Variants in KIAA0513 observed in about 807,000 individuals in gnomAD.
KIAA0513 encodes the protein uncharacterized protein KIAA0513.
KIAA0513 carries 39 observed loss-of-function variants against 56.5 expected under a neutral mutation model. That is an observed-to-expected ratio of 0.69 (90% CI 0.53 to 0.90). The LOEUF is 0.90. Ranked by LOEUF, KIAA0513 falls within the 40% of genes least tolerant of loss-of-function variation. The probability of loss-of-function intolerance (pLI) is 0.00; values close to 1 mark genes in which losing one functional copy is unlikely to be tolerated. For missense variants in KIAA0513, 591 were observed against 535.2 expected, an observed-to-expected ratio of 1.10 and a Z score of -1.03; for synonymous variants, 268 against 215.6, an observed-to-expected ratio of 1.24 and a Z score of -2.13.
At chr16:85,045,113 G>A (rs1000843502) in intron 1 of KIAA0513, among the ~76,000 whole-genome samples, 10 of 151,428 alleles carry the variant, frequency 6.6e-5, no homozygotes, top group East Asian at 2.0e-4. Flanking sequence ...GCGAGACTCC[G>A]TCTCTAAATA....
chr16:85,064,747 A>C (rs1473280828), intron 1 of KIAA0513, among the ~76,000 whole-genome samples: 1 of 151,996 alleles, frequency 6.6e-6, no homozygotes, highest in Non-Finnish European at 1.5e-5. Flanking sequence ...GTGCAATGGC[A>C]CCATCTCGGG....
At chr16:85,075,753 C>A in intron 4 of KIAA0513, 91 bp from the exon 5 acceptor site, 2 of 1,049,060 alleles carry the variant, frequency 1.9e-6, no homozygotes, top group Non-Finnish European at 3.0e-6. Flanking sequence ...AATTGGGACG[C>A]ATGTGTCAAG....
chr16:85,059,717 A>G (rs576177338), intron 1 of KIAA0513, among the ~76,000 whole-genome samples: 1 of 152,314 alleles, frequency 6.6e-6, no homozygotes, highest in Non-Finnish European at 1.5e-5. Flanking sequence ...TAATAGGGTC[A>G]TTGATTTCTC....
chr16:85,069,540 A>G (rs2073541591), intron 2 of KIAA0513, among the ~76,000 whole-genome samples: 1 of 151,930 alleles, frequency 6.6e-6, no homozygotes. Flanking sequence ...CATCAGCCTG[A>G]TGTTTCCCTA....
At chr16:85,057,421 C>T (rs1302278428) in intron 1 of KIAA0513, among the ~76,000 whole-genome samples, 1 of 152,232 alleles carries the variant, frequency 6.6e-6, no homozygotes, top group Non-Finnish European at 1.5e-5. Context: ...ATTGGGCCCC[C>T]AGTGGCTGGA....
At chr16:85,053,849 G>C (rs1352362786) in intron 1 of KIAA0513, among the ~76,000 whole-genome samples, 1 of 152,106 alleles carries the variant, frequency 6.6e-6, no homozygotes, top group Non-Finnish European at 1.5e-5. Flanking sequence ...AAAATTAGCT[G>C]GGCATGGTGG....
Position 85,091,517 on chromosome 16 carries a change from G to A in KIAA0513, c.*3192G>A, listed in dbSNP as rs534447531. 1 of 152,302 alleles carries A rather than the reference G, an allele frequency of 6.6e-6. No individual in the cohort carries two copies. The highest frequency in any genetic ancestry group is 1.9e-4 in the East Asian group (1 of 5,188). The allele number at this position is 152,302 out of a possible 1,614,324, so 9.4% of individuals were successfully genotyped here. On this transcript the variant is annotated 3_prime_UTR_variant, in exon 13 of 13. Transcript: ENST00000683363. The stretch of plus-strand genomic sequence containing the variant: ...TGGCTAGAGGGAGAGTCCAGTTTCT[G>A]AGCTCTGTACCCAAATTAAAATCCT...
At position 85,083,454 on chromosome 16, in the gene KIAA0513, A is replaced by C. The variant is rs146380801; in HGVS notation, c.1010+861A>C. Among the ~76,000 whole-genome samples, 498 of 152,190 alleles carry C rather than the reference A, an allele frequency of 3.3e-3. 7 individuals are homozygous for C. The highest frequency in any genetic ancestry group is 0.011 in the African/African-American group (466 of 41,558). On this transcript the variant is annotated intron_variant, in intron 10 of 12. Transcript: ENST00000683363. ...GCTTTCAAAGGAGGACTTAGGCCTA[A>C]CAAACACCTCCTTTCATGAACAAAG...
chr16:85,060,678 A>G (rs574717207), intron 1 of KIAA0513, among the ~76,000 whole-genome samples: 12 of 151,924 alleles, frequency 7.9e-5, no homozygotes, highest in South Asian at 4.2e-4. Flanking sequence ...ACCTTTATAA[A>G]TAATAATAAT....
chr16:85,067,833 CAG>C (rs1446162425), intron 2 of KIAA0513, among the ~76,000 whole-genome samples: 2 of 151,528 alleles, frequency 1.3e-5, no homozygotes, highest in African/African-American at 2.4e-5. Flanking sequence ...TTTTTTGAGA[CAG>C]AGTCTGGGTC....
intron 2 of KIAA0513, among the ~76,000 whole-genome samples, chr16:85,070,280 G>A (rs1015099666): frequency 2.9e-4 from 44 of 152,028 alleles, no homozygotes; most frequent in African/African-American, 1.0e-3. Flanking sequence ...GCTGACTTCC[G>A]CCTTATTCAT....
intron 1 of KIAA0513, among the ~76,000 whole-genome samples, chr16:85,045,978 C>T (rs1477335112): frequency 1.3e-5 from 2 of 152,156 alleles, no homozygotes; most frequent in African/African-American, 4.8e-5. Context: ...AAAGGGACGA[C>T]CACCCGAGGA....
At chr16:85,050,812 C>A (rs571143127) in intron 1 of KIAA0513, among the ~76,000 whole-genome samples, 5 of 152,174 alleles carry the variant, frequency 3.3e-5, no homozygotes, top group Non-Finnish European at 7.3e-5. Context: ...GCACTGCCTG[C>A]CGTGTGCCCA....
chr16:85,079,058 A>G, intron 8 of KIAA0513, 55 bp downstream of exon 8: 1 of 1,613,324 alleles, frequency 6.2e-7, no homozygotes, highest in East Asian at 2.2e-5. Context: ...GCCAGCAGTC[A>G]CTCCCCGGGA....
At chr16:85,083,406 C>T (rs541479443) in intron 10 of KIAA0513, among the ~76,000 whole-genome samples, 5 of 152,310 alleles carry the variant, frequency 3.3e-5, no homozygotes, top group South Asian at 4.1e-4. Context: ...CATGAGCAAT[C>T]GTGTTTCTTA....
intron 1 of KIAA0513, among the ~76,000 whole-genome samples, chr16:85,065,832 C>A (rs925539093): frequency 6.6e-6 from 1 of 152,176 alleles, no homozygotes; most frequent in South Asian, 2.1e-4. Flanking sequence ...ACCTTCTAAA[C>A]CAGCAGTCAG....
In KIAA0513 at chr16:85,034,245, T is replaced by C. The variant is rs189735751; in HGVS notation, c.-173+6387T>C. 6.6e-5 allele frequency among the ~76,000 whole-genome samples: 10 copies of C among 152,064 alleles called. No individual in the cohort carries two copies. The East Asian group carries it at 1.9e-3, about 29-fold the overall frequency. Reference sequence around the variant, plus strand: ...AAATACAAAAATTAGCCAGGCATGGTTGTGGGTGCCTCTAAGCCCAACTAC... The same window carrying C: ...AAATACAAAAATTAGCCAGGCATGGCTGTGGGTGCCTCTAAGCCCAACTAC... On this transcript the variant is annotated intron_variant, in intron 1 of 12. Coordinates refer to ENST00000683363, the MANE Select transcript of KIAA0513 (RefSeq NM_001388359.1).
intron 1 of KIAA0513, among the ~76,000 whole-genome samples, chr16:85,031,862 A>G (rs2072969341): frequency 6.6e-6 from 1 of 152,200 alleles, no homozygotes; most frequent in Non-Finnish European, 1.5e-5. Context: ...TAACAATATC[A>G]GAAATGACCT....
intron 10 of KIAA0513, among the ~76,000 whole-genome samples, chr16:85,085,533 G>A (rs2073798377): frequency 6.6e-6 from 1 of 152,190 alleles, no homozygotes; most frequent in Admixed American, 6.5e-5. Context: ...CTTTTTAGGG[G>A]GAAAGGGGCT....
Sources: gnomAD v4.1 joint callset for allele counts (sites outside exome capture counted in the v4.1 genomes callset) on GRCh38, gnomAD v4.1.1 for gene constraint, MANE v1.5 for transcripts, NCBI Gene and HGNC (gene_info 2026-07-23, HGNC 2026-07-21) for gene names.